The following GALNT12 variants were observed in gnomAD, a reference collection of about 807,000 sequenced individuals.
GALNT12 encodes polypeptide N-acetylgalactosaminyltransferase 12, also known as UDP-GalNAc:polypeptide N-acetylgalactosaminyltransferase 12.
A neutral mutation model predicts 55.5 loss-of-function variants in GALNT12; 45 were observed. The observed-to-expected ratio is 0.81, with a 90% CI of 0.64 to 1.04. GALNT12 has a LOEUF of 1.04. GALNT12 is among the 50% of genes least tolerant of loss of function. GALNT12 has a pLI of 0.00. For synonymous variants in GALNT12, 304 were observed against 312.2 expected (o/e 0.97, Z 0.28); for missense variants, 709 against 754.8 (o/e 0.94, Z 0.71).
intron 1 of GALNT12, among the ~76,000 whole-genome samples, chr9:98,816,222 T>C (rs1382679495): frequency 6.6e-6 from 1 of 152,174 alleles, no homozygotes; most frequent in East Asian, 1.9e-4. Flanking sequence ...TTTATGTATG[T>C]TGATATGAGA....
chr9:98,836,564 C>T (rs1287937804), intron 5 of GALNT12, among the ~76,000 whole-genome samples: 2 of 152,220 alleles, frequency 1.3e-5, no homozygotes, highest in African/African-American at 4.8e-5. Flanking sequence ...CTACCTGTTT[C>T]TAGACGCTCT....
intron 3 of GALNT12, among the ~76,000 whole-genome samples, chr9:98,831,258 C>G (rs915060300): frequency 6.6e-6 from 1 of 152,218 alleles, no homozygotes; most frequent in African/African-American, 2.4e-5. Flanking sequence ...CTCACATTAA[C>G]CCTCTGAATG....
chr9:98,824,736 T>C lies in GALNT12; in HGVS notation c.541+1311T>C, dbSNP rs182031241. ...CCTTGGGCGAGTTGCTTGTCTTTTC[T>C]GAGCCTCAGTTTCTCACCTGTGAAT... On this transcript the variant is annotated intron_variant, in intron 2 of 9. Coordinates refer to ENST00000375011, the MANE Select transcript of GALNT12 (RefSeq NM_024642.5). Among the ~76,000 whole-genome samples the C allele has an allele frequency of 3.3e-4, 50 of 152,320 alleles. No individual in the cohort carries two copies. In the East Asian group the frequency reaches 8.3e-3, roughly 25 times the overall value.
chr9:98,816,247 A>G (rs1175124300), intron 1 of GALNT12, among the ~76,000 whole-genome samples: 1 of 152,210 alleles, frequency 6.6e-6, no homozygotes. Flanking sequence ...AGAAAAGAGG[A>G]ACATTTTAAA....
chr9:98,822,043 CAT>C (rs979386911), intron 1 of GALNT12, among the ~76,000 whole-genome samples: 50 of 152,330 alleles, frequency 3.3e-4, no homozygotes, highest in African/African-American at 1.2e-3. Context: ...CACATGCTGA[CAT>C]ATGGTAGACA....
At chr9:98,828,581 G>A (rs538560624) in intron 3 of GALNT12, among the ~76,000 whole-genome samples, 3 of 152,252 alleles carry the variant, frequency 2.0e-5, no homozygotes, top group African/African-American at 2.4e-5. Flanking sequence ...TGGGCCAGCC[G>A]CCTCCTTGCT....
At chr9:98,845,589 G>C (rs147741237) in intron 8 of GALNT12, among the ~76,000 whole-genome samples, 2 of 152,246 alleles carry the variant, frequency 1.3e-5, no homozygotes, top group Admixed American at 6.5e-5. Flanking sequence ...GAGAGACTGA[G>C]GAAAAGGAGA....
intron 8 of GALNT12, among the ~76,000 whole-genome samples, chr9:98,844,821 T>TG (rs1836375496): frequency 6.6e-6 from 1 of 152,082 alleles, no homozygotes; most frequent in Admixed American, 6.6e-5. Context: ...GATTCAGTCC[T>TG]GGGGGAGTCT....
In GALNT12 at chr9:98,837,102, A is replaced by G. The variant is rs751002199; in HGVS notation, c.1166A>G (p.Asp389Gly). 4 of 1,614,142 alleles carry G rather than the reference A, an allele frequency of 2.5e-6. No homozygotes were observed. The South Asian group carries it at 4.4e-5, about 18-fold the overall frequency. ...GTTCGTGCAGCTGAAGTATGGATGG[A>G]TGAATTTAAAGAGCTCTACTACCAT... Reference protein sequence around the residue: ...NSVRAAEVWMDEFKELYYHRN... With the variant: ...NSVRAAEVWMGEFKELYYHRN... The change falls in exon 6 of 10, where the codon GAT (aspartate) becomes GGT (glycine). Residue 389 changes from aspartate to glycine, a missense_variant. Physicochemically the swap from Asp to Gly is moderately conservative, Grantham distance 94. This residue lies in a region of GALNT12 where 262 missense variants were observed against 310.7 expected (regional missense o/e 0.84). Transcript: ENST00000375011.
chr9:98,833,988 A>G (rs1467321972), intron 4 of GALNT12, among the ~76,000 whole-genome samples: 1 of 152,174 alleles, frequency 6.6e-6, no homozygotes, highest in Admixed American at 6.5e-5. Flanking sequence ...GGTGCTTTGT[A>G]GTCTAGAACC....
intron 4 of GALNT12, among the ~76,000 whole-genome samples, chr9:98,832,691 C>T (rs1214122203): frequency 6.6e-6 from 1 of 152,148 alleles, no homozygotes; most frequent in Admixed American, 6.5e-5. Context: ...CCCCTGGGAA[C>T]CTCTGTTCTT....
chr9:98,811,870 A>G (rs1044979733), intron 1 of GALNT12, among the ~76,000 whole-genome samples: 39 of 152,174 alleles, frequency 2.6e-4, no homozygotes, highest in African/African-American at 8.9e-4. Context: ...TTTAGTAGAC[A>G]CGGGGTTTCA....
chr9:98,821,816 C>T (rs1163894032), intron 1 of GALNT12, among the ~76,000 whole-genome samples: 2 of 152,118 alleles, frequency 1.3e-5, no homozygotes, highest in Non-Finnish European at 2.9e-5. Context: ...CTCCCCACTC[C>T]TCTGCTTTTC....
chr9:98,834,246 G>A (rs997662417), intron 4 of GALNT12, among the ~76,000 whole-genome samples: 2 of 152,064 alleles, frequency 1.3e-5, no homozygotes, highest in Admixed American at 6.5e-5. Context: ...AGCCTCCTGA[G>A]TAGCTGGGAT....
At chr9:98,817,017 G>A (rs960014131) in intron 1 of GALNT12, among the ~76,000 whole-genome samples, 1 of 151,906 alleles carries the variant, frequency 6.6e-6, no homozygotes, top group South Asian at 2.1e-4. Flanking sequence ...TAGTAGAGAC[G>A]GGGTTTCACC....
intron 1 of GALNT12, among the ~76,000 whole-genome samples, chr9:98,816,580 A>G (rs900857343): frequency 6.6e-6 from 1 of 152,014 alleles, no homozygotes; most frequent in African/African-American, 2.4e-5. Flanking sequence ...TTTTAGCAGC[A>G]TCTTAAGAAA....
chr9:98,817,200 A>G (rs553416276), intron 1 of GALNT12, among the ~76,000 whole-genome samples: 1 of 152,156 alleles, frequency 6.6e-6, no homozygotes, highest in African/African-American at 2.4e-5. Context: ...TCCTGGGCTC[A>G]AGCGATCCTC....
chr9:98,846,086 A>G lies in GALNT12; in HGVS notation c.1568A>G (p.Glu523Gly), dbSNP rs1169647634. Reference protein sequence around the residue: ...MDTLIMHLCEETAPENQKFIL... With the variant: ...MDTLIMHLCEGTAPENQKFIL... ...ACCCTTATCATGCATCTCTGCGAAG[A>G]AACTGCCCCAGAGAATCAGAAGTTC... Residue 523 changes from glutamate to glycine, a missense_variant, in exon 9 of 10, where the codon GAA (glutamate) becomes GGA (glycine). This residue lies in a region of GALNT12 where 262 missense variants were observed against 310.7 expected (regional missense o/e 0.84). Transcript: ENST00000375011. 3.7e-6 allele frequency: 6 copies of G among 1,614,194 alleles called. No homozygotes were observed. The highest frequency in any genetic ancestry group is 5.1e-6 in the Non-Finnish European group (6 of 1,180,038).
chr9:98,819,876 T>C (rs557932535), intron 1 of GALNT12, among the ~76,000 whole-genome samples: 1 of 152,298 alleles, frequency 6.6e-6, no homozygotes, highest in South Asian at 2.1e-4. Flanking sequence ...TACTAGCAGG[T>C]GCTCTGTGAA....
Sources: gnomAD v4.1 joint callset for allele counts (sites outside exome capture counted in the v4.1 genomes callset) on GRCh38, gnomAD v4.1.1 for gene constraint, gnomAD v4.1.1 regional missense constraint, MANE v1.5 for transcripts, NCBI Gene and HGNC (gene_info 2026-07-23, HGNC 2026-07-21) for gene names.